Variants in MEF2C observed in about 807,000 individuals in gnomAD.
MEF2C encodes myocyte enhancer factor 2C, also known as myocyte-specific enhancer factor 2C.
In MEF2C, 6 loss-of-function variants were observed where a neutral mutation model predicts 50.5. The observed-to-expected ratio is 0.12, with a 90% CI of 0.07 to 0.23. The LOEUF (loss-of-function observed/expected upper bound fraction) is 0.23. Among genes scored for constraint, MEF2C ranks in the 10% least tolerant of loss-of-function variants. The pLI, the probability that MEF2C is intolerant of heterozygous loss-of-function variation, is 1.00. For synonymous variants in MEF2C, 183 were observed against 228.0 expected, an observed-to-expected ratio of 0.80 and a Z score of 1.78; for missense variants, 276 against 605.0, an observed-to-expected ratio of 0.46 and a Z score of 5.70.
intron 6 of MEF2C, chr5:88,737,200 T>C: frequency 1.0e-6 from 1 of 985,276 alleles, no homozygotes; most frequent in Non-Finnish European, 1.2e-6. Flanking sequence ...GTCTCTTCTC[T>C]TTATGCTACT....
chr5:88,880,130 G>C (rs1249215764), intron 1 of MEF2C, among the ~76,000 whole-genome samples: 1 of 151,870 alleles, frequency 6.6e-6, no homozygotes, highest in African/African-American at 2.4e-5. Context: ...CATACTGATG[G>C]AACAACAGTG....
intron 8 of MEF2C, 194 bp from the exon 9 acceptor site, chr5:88,729,541 T>A (rs1760499909): frequency 1.8e-6 from 1 of 568,818 alleles, no homozygotes. Flanking sequence ...GTTGCCATAG[T>A]AACCCATTAC....
At chr5:88,895,188 G>A (rs1834992353) in intron 1 of MEF2C, among the ~76,000 whole-genome samples, 1 of 152,036 alleles carries the variant, frequency 6.6e-6, no homozygotes. Context: ...TTTTCTGTCA[G>A]TTTCATGCTT....
At chr5:88,862,584 T>TA (rs989753173) in intron 1 of MEF2C, among the ~76,000 whole-genome samples, 1 of 152,228 alleles carries the variant, frequency 6.6e-6, no homozygotes, top group African/African-American at 2.4e-5. Context: ...TAAAGTTTTT[T>TA]AAAAATTACT....
chr5:88,819,566 ATCATCTTTTAGC>A (rs1807247531), intron 2 of MEF2C: 2 of 165,366 alleles, frequency 1.2e-5, no homozygotes, highest in African/African-American at 4.8e-5. Flanking sequence ...CTAACTCTGA[ATCATCTTTTAGC>A]TCATCTTTTA....
chr5:88,789,176 T>C (rs1792523998), intron 3 of MEF2C, among the ~76,000 whole-genome samples: 1 of 152,006 alleles, frequency 6.6e-6, no homozygotes, highest in African/African-American at 2.4e-5. Context: ...TAATACTTTT[T>C]TTTTTTTTGA....
At chr5:88,729,741 G>A (rs1760619237) in intron 8 of MEF2C, among the ~76,000 whole-genome samples, 1 of 152,202 alleles carries the variant, frequency 6.6e-6, no homozygotes. Context: ...ACATACAGCA[G>A]AGAGCAAATG....
At chr5:88,845,241 T>C (rs1257449466) in intron 1 of MEF2C, among the ~76,000 whole-genome samples, 2 of 152,208 alleles carry the variant, frequency 1.3e-5, no homozygotes, top group East Asian at 3.8e-4. Flanking sequence ...ATTGCTGTTG[T>C]CAACAGCTGC....
At chr5:88,730,973 G>A (rs1161590772) in intron 7 of MEF2C, among the ~76,000 whole-genome samples, 1 of 152,178 alleles carries the variant, frequency 6.6e-6, no homozygotes, top group Non-Finnish European at 1.5e-5. Context: ...CTTTGTTGTT[G>A]AATTTGGTCC....
chr5:88,723,663 A>C (rs1486247624), intron 10 of MEF2C, among the ~76,000 whole-genome samples: 1 of 152,210 alleles, frequency 6.6e-6, no homozygotes, highest in Non-Finnish European at 1.5e-5. Context: ...ATGAGATGAA[A>C]ATACTTTGTG....
At chr5:88,757,369 A>G (rs1481606349) in intron 4 of MEF2C, among the ~76,000 whole-genome samples, 1 of 151,904 alleles carries the variant, frequency 6.6e-6, no homozygotes, top group East Asian at 1.9e-4. Flanking sequence ...CACTAATGAC[A>G]CCTTTAAATT....
chr5:88,827,176 C>G (rs1458278729), intron 1 of MEF2C: 1 of 152,008 alleles, frequency 6.6e-6, no homozygotes, highest in East Asian at 1.9e-4. Context: ...TCCCACTGGG[C>G]TATCTCATTT....
At chr5:88,776,414 C>G (rs779351898) in intron 3 of MEF2C, among the ~76,000 whole-genome samples, 5 of 152,012 alleles carry the variant, frequency 3.3e-5, no homozygotes, top group Admixed American at 6.6e-5. Flanking sequence ...CCATAGCCAC[C>G]CTGCTGTGCA....
At chr5:88,792,428 A>G (rs1794202612) in intron 3 of MEF2C, among the ~76,000 whole-genome samples, 1 of 152,192 alleles carries the variant, frequency 6.6e-6, no homozygotes, top group Non-Finnish European at 1.5e-5. Context: ...CGAAGTGAAC[A>G]TTTATGCTCT....
intron 4 of MEF2C, among the ~76,000 whole-genome samples, chr5:88,758,487 C>T (rs1161895672): frequency 2.0e-5 from 3 of 152,076 alleles, no homozygotes; most frequent in Non-Finnish European, 4.4e-5. Flanking sequence ...TAACAGGTGA[C>T]TGCAATATTA....
rs534373146 is a variant in MEF2C at position 88,890,272 on chromosome 5, C to T, written c.-239-2674G>A. Reference sequence around the variant, plus strand: ...AAGACAAAACAGAAAACTTCCTTTCCCCTTGTACCCCCTTTATTTGTTAAC... The same window carrying T: ...AAGACAAAACAGAAAACTTCCTTTCTCCTTGTACCCCCTTTATTTGTTAAC... On this transcript the variant is annotated intron_variant, in intron 1 of 11. Coordinates refer to the MEF2C transcript ENST00000340208. Among the ~76,000 whole-genome samples the T allele has an allele frequency of 7.9e-5, 12 of 152,230 alleles. No individual in the cohort carries two copies. The South Asian group carries it at 2.5e-3, about 32-fold the overall frequency.
In MEF2C at chr5:88,728,473, TA is replaced by T; in HGVS notation, c.1100+19del. ...CAAAATACATTCTAAAATTATATTATAAAAAATAATATTGCTTACCCCAACT... is the reference window on the plus strand; with the variant it reads ...CAAAATACATTCTAAAATTATATTATAAAAATAATATTGCTTACCCCAACT... On this transcript the variant is annotated intron_variant, in intron 10 of 10. Coordinates refer to ENST00000504921, the MANE Select transcript of MEF2C (RefSeq NM_002397.5). The T allele has an allele frequency of 2.8e-6, 4 of 1,409,262 alleles. No homozygotes were observed. The highest frequency in any genetic ancestry group is 2.9e-5 in the Admixed American group (1 of 34,464). The allele number at this position is 1,409,262 out of a possible 1,614,324, so 87.3% of individuals were successfully genotyped here.
At chr5:88,876,042 G>C (rs921503432) in intron 1 of MEF2C, among the ~76,000 whole-genome samples, 5 of 147,840 alleles carry the variant, frequency 3.4e-5, no homozygotes, top group Non-Finnish European at 7.4e-5. Context: ...AAAAGAAAGA[G>C]CTGAAACTGT....
chr5:88,838,553 C>T (rs1012708006), intron 1 of MEF2C: 1 of 984,294 alleles, frequency 1.0e-6, no homozygotes. Flanking sequence ...TTAAGAATTA[C>T]ACAGAATTCT....
Sources: allele counts gnomAD v4.1 joint callset (sites outside exome capture counted in the v4.1 genomes callset), GRCh38; gene constraint gnomAD v4.1.1; transcripts MANE v1.5; gene names NCBI Gene and HGNC (gene_info 2026-07-23, HGNC 2026-07-21).